Variants in SMG6 observed in about 807,000 individuals in gnomAD.
SMG6 encodes telomerase-binding protein EST1A.
Under a neutral mutation model 142.2 loss-of-function variants are expected in SMG6, and 66 were observed. That is an observed-to-expected ratio of 0.46 (90% confidence interval 0.38 to 0.57). The LOEUF (loss-of-function observed/expected upper bound fraction) is 0.57. Ranked by LOEUF, SMG6 falls within the 20% of genes least tolerant of loss-of-function variation. The probability of loss-of-function intolerance (pLI) is 0.00; values close to 1 mark genes in which losing one functional copy is unlikely to be tolerated. For missense variants in SMG6, 1,793 were observed against 1,832.0 expected, an observed-to-expected ratio of 0.98 and a Z score of 0.39; for synonymous variants, 779 against 702.4, an observed-to-expected ratio of 1.11 and a Z score of -1.72.
chr17:2,122,690 T>C (rs1239240232), intron 13 of SMG6, among the ~76,000 whole-genome samples: 4 of 152,208 alleles, frequency 2.6e-5, no homozygotes, highest in Admixed American at 6.5e-5. Flanking sequence ...CCAGCTCCAG[T>C]AGTTCTGTGT....
At chr17:2,257,982 C>G (rs2074222466) in intron 8 of SMG6, among the ~76,000 whole-genome samples, 1 of 142,734 alleles carries the variant, frequency 7.0e-6, no homozygotes, top group Admixed American at 7.2e-5. Context: ...GGACTCCAGC[C>G]TGGGCGACAA....
Position 2,167,558 on chromosome 17 carries a change from T to C in SMG6, c.3357+5100A>G, listed in dbSNP as rs945036507. On this transcript the variant is annotated intron_variant, in intron 13 of 18. Coordinates refer to ENST00000263073, the MANE Select transcript of SMG6 (RefSeq NM_017575.5). ...TTGAAGCACGCCTTCACCGGGGTATTACCAGCTCAACAAAACTCAAGAACT... is the reference window on the plus strand; with the variant it reads ...TTGAAGCACGCCTTCACCGGGGTATCACCAGCTCAACAAAACTCAAGAACT... Among the ~76,000 whole-genome samples the C allele has an allele frequency of 3.3e-5, 5 of 152,336 alleles. No individual in the cohort carries two copies. The East Asian group carries it at 7.7e-4, about 23-fold the overall frequency.
chr17:2,117,556 C>T (rs894840811), intron 13 of SMG6: 2 of 151,948 alleles, frequency 1.3e-5, no homozygotes, highest in African/African-American at 4.8e-5. Context: ...TTTATAATGG[C>T]ATAAAAAATA....
At chr17:2,292,466 G>A in intron 6 of SMG6, 86 bp downstream of exon 6, 1 of 1,292,632 alleles carries the variant, frequency 7.7e-7, no homozygotes, top group South Asian at 1.2e-5. Flanking sequence ...GAGATGAAAT[G>A]AAGCTCCAGG....
At chr17:2,265,297 G>C (rs1261590897) in intron 8 of SMG6, among the ~76,000 whole-genome samples, 3 of 152,126 alleles carry the variant, frequency 2.0e-5, no homozygotes, top group Non-Finnish European at 1.5e-5. Flanking sequence ...ACCACCTGAG[G>C]TCAGGAGTTC....
intron 10 of SMG6, among the ~76,000 whole-genome samples, chr17:2,201,133 C>T (rs1034766034): frequency 2.0e-5 from 3 of 152,146 alleles, no homozygotes; most frequent in African/African-American, 4.8e-5. Flanking sequence ...GTAAAAGATA[C>T]ATCTGACAAA....
intron 13 of SMG6, among the ~76,000 whole-genome samples, chr17:2,134,074 C>T (rs886545953): frequency 3.9e-5 from 6 of 152,034 alleles, no homozygotes; most frequent in Non-Finnish European, 1.5e-5. Flanking sequence ...AAATCTAATA[C>T]AAAATGATAG....
chr17:2,299,818 G>C lies in SMG6; in HGVS notation c.935C>G (p.Pro312Arg). ...ACTTCTCCTGGGTCCTAATCCATCA[G>C]GCTCATCAATTCTGTCCTCGTCTAA... ...DSLDEDRIDE[P>R]DGLGPRRSSE... Residue 312 changes from proline (P) to arginine (R), a missense_variant, in exon 2 of 19, where the codon CCT becomes CGT. This residue lies in a region of SMG6 where 1,597 missense variants were observed against 1,584.6 expected (regional missense o/e 1.01). Transcript: ENST00000263073. The surrounding 1 kb of genome is among the most constrained non-coding windows in gnomAD (Gnocchi z 4.3). 1 of 1,614,188 alleles carries C rather than the reference G, an allele frequency of 6.2e-7. No homozygotes were observed. Among genetic ancestry groups the C allele is most frequent in the Non-Finnish European group, 8.5e-7 (1 of 1,180,036 alleles).
intron 10 of SMG6, among the ~76,000 whole-genome samples, chr17:2,207,527 T>C (rs2072725872): frequency 6.6e-6 from 1 of 152,052 alleles, no homozygotes; most frequent in African/African-American, 2.4e-5. Flanking sequence ...TCTAAAGTCC[T>C]AAAGAAAAAC....
intron 8 of SMG6, among the ~76,000 whole-genome samples, chr17:2,246,246 T>C (rs2073924474): frequency 6.6e-6 from 1 of 152,218 alleles, no homozygotes; most frequent in South Asian, 2.1e-4. Context: ...CCTTGTCATC[T>C]TCCCTGGTCT....
At chr17:2,224,830 C>T (rs564197208) in intron 10 of SMG6, among the ~76,000 whole-genome samples, 2 of 152,262 alleles carry the variant, frequency 1.3e-5, no homozygotes, top group South Asian at 4.1e-4. Context: ...ATCACCAAAA[C>T]TGTGGAACAT....
intron 17 of SMG6, 124 bp from the exon 18 acceptor site, chr17:2,065,278 C>T (rs1196035229): frequency 2.1e-5 from 21 of 1,005,054 alleles, no homozygotes; most frequent in African/African-American, 3.2e-5. Flanking sequence ...CCCATGCATG[C>T]GCTGGCCCTG....
rs2067728604 is a variant in SMG6 at position 2,060,047 on chromosome 17, C to G, written c.*1445G>C. ...GGACTCCTACCCCCAAACTACTGGC[C>G]TTGGCTCCCCTACACGGTACCCCAT... On this transcript the variant is annotated 3_prime_UTR_variant, in exon 19 of 19. Coordinates refer to ENST00000263073, the MANE Select transcript of SMG6 (RefSeq NM_017575.5). 1 of 152,592 alleles carries G rather than the reference C, an allele frequency of 6.6e-6. No homozygotes were observed. The highest frequency in any genetic ancestry group is 6.5e-5 in the Admixed American group (1 of 15,286). The allele number at this position is 152,592 out of a possible 1,614,324, so 9.5% of individuals were successfully genotyped here.
At chr17:2,261,684 A>C (rs1421679598) in intron 8 of SMG6, among the ~76,000 whole-genome samples, 1 of 152,200 alleles carries the variant, frequency 6.6e-6, no homozygotes, top group Non-Finnish European at 1.5e-5. Flanking sequence ...GGTGTATGCT[A>C]TATCCCCAGT....
intron 10 of SMG6, among the ~76,000 whole-genome samples, chr17:2,194,770 C>T (rs1374652714): frequency 6.6e-6 from 1 of 151,074 alleles, no homozygotes; most frequent in Admixed American, 6.6e-5. Context: ...TGAGGGGGTA[C>T]GTAGGGGTGA....
intron 13 of SMG6, among the ~76,000 whole-genome samples, chr17:2,153,012 T>C (rs2151603239): frequency 6.6e-6 from 1 of 152,332 alleles, no homozygotes; most frequent in South Asian, 2.1e-4. Context: ...GAACATATGA[T>C]TGATATAGGC....
rs748759700 is a variant in SMG6, at chr17:2,085,716, G to T, written c.3534+9C>A. 6.2e-7 allele frequency: 1 copy of T among 1,610,424 alleles called. No homozygotes were observed. ...CCCTCTGCCACAGCGGGCTCTTCCC[G>T]CATAGTACCTCATCTTCCAGTCGTG... On this transcript the variant is annotated intron_variant, in intron 14 of 18. Coordinates refer to ENST00000263073, the MANE Select transcript of SMG6 (RefSeq NM_017575.5). This position sits in a 1 kb window ranked among gnomAD's most constrained non-coding sequence, Gnocchi z 4.1.
intron 13 of SMG6, chr17:2,088,909 G>C: frequency 7.8e-6 from 7 of 900,486 alleles, no homozygotes; most frequent in Non-Finnish European, 9.3e-6. Flanking sequence ...GAGACTTACG[G>C]GAATATTCTC....
At chr17:2,265,424 C>T (rs770003716) in intron 8 of SMG6, among the ~76,000 whole-genome samples, 6 of 151,808 alleles carry the variant, frequency 4.0e-5, no homozygotes, top group Non-Finnish European at 7.4e-5. Context: ...GCAGGAGAAA[C>T]GCTTGAACCT....
Sources: gnomAD v4.1 joint callset for allele counts (sites outside exome capture counted in the v4.1 genomes callset) on GRCh38, gnomAD v4.1.1 for gene constraint, gnomAD v4.1.1 regional missense constraint, Gnocchi (gnomAD v3.1) non-coding constraint, MANE v1.5 for transcripts, NCBI Gene and HGNC (gene_info 2026-07-23, HGNC 2026-07-21) for gene names.